Variants in GSE1 observed in about 807,000 individuals in gnomAD.
GSE1 encodes genetic suppressor element 1.
Under a neutral mutation model 112.6 loss-of-function variants are expected in GSE1, and 32 were observed. That is an observed-to-expected ratio of 0.28 (90% CI 0.21 to 0.38). GSE1 has a LOEUF of 0.38. Among genes scored for constraint, GSE1 ranks in the 10% least tolerant of loss-of-function variants. The pLI is 1.00. For missense variants in GSE1, 2,348 were observed against 1,699.2 expected (o/e 1.38, Z -6.71); for synonymous variants, 1,115 against 735.6 (o/e 1.52, Z -8.35).
At chr16:85,230,904 T>C (rs1416168705) in intron 1 of GSE1, among the ~76,000 whole-genome samples, 2 of 146,374 alleles carry the variant, frequency 1.4e-5, no homozygotes, top group East Asian at 2.1e-4. Flanking sequence ...GAAGGATGGA[T>C]AGAATGGAAT....
intron 1 of GSE1, among the ~76,000 whole-genome samples, chr16:85,201,390 G>C (rs1037699541): frequency 6.6e-6 from 1 of 150,828 alleles, no homozygotes; most frequent in African/African-American, 2.4e-5. Context: ...GGGCACGATG[G>C]CTCACTCCTG....
At chr16:85,655,646 T>C in intron 5 of GSE1, 80 bp from the exon 6 acceptor site, 1 of 884,612 alleles carries the variant, frequency 1.1e-6, no homozygotes, top group East Asian at 2.5e-5. Context: ...TGTGTGTACC[T>C]GGCTGAGACA....
chr16:85,353,322 C>T (rs1000878451), intron 1 of GSE1, among the ~76,000 whole-genome samples: 3 of 152,194 alleles, frequency 2.0e-5, no homozygotes, highest in African/African-American at 4.8e-5. Context: ...TATACAAGTT[C>T]GTGTGCGGAT....
intron 1 of GSE1, among the ~76,000 whole-genome samples, chr16:85,219,667 C>T (rs1479631701): frequency 1.3e-5 from 2 of 152,246 alleles, no homozygotes; most frequent in African/African-American, 4.8e-5. Flanking sequence ...ATCATGTCCT[C>T]TGCCTCCGTG....
At chr16:85,317,535 G>A (rs1328845963) in intron 1 of GSE1, among the ~76,000 whole-genome samples, 2 of 152,254 alleles carry the variant, frequency 1.3e-5, no homozygotes, top group South Asian at 2.1e-4. Flanking sequence ...TGGCAGGACT[G>A]AGCCCTGCTG....
chr16:85,493,257 C>T (rs969712537), intron 2 of GSE1, among the ~76,000 whole-genome samples: 1 of 152,106 alleles, frequency 6.6e-6, no homozygotes, highest in African/African-American at 2.4e-5. Flanking sequence ...CAAGACCAGC[C>T]TGAGTGACAT....
intron 2 of GSE1, among the ~76,000 whole-genome samples, chr16:85,415,006 C>G (rs909991801): frequency 1.3e-5 from 2 of 151,934 alleles, no homozygotes; most frequent in African/African-American, 4.8e-5. Context: ...GTGCAGTGGT[C>G]CAATCATAGC....
At chr16:85,487,494 T>A (rs2050878989) in intron 2 of GSE1, among the ~76,000 whole-genome samples, 1 of 152,166 alleles carries the variant, frequency 6.6e-6, no homozygotes, top group Non-Finnish European at 1.5e-5. Context: ...GCCAGGAAGA[T>A]GTGAGCCCAC....
chr16:85,490,667 C>T (rs1353598080), intron 2 of GSE1: 2 of 152,224 alleles, frequency 1.3e-5, no homozygotes, highest in Admixed American at 1.3e-4. Flanking sequence ...CGACTTTGAT[C>T]CCAGGGCGGG....
rs747152545 is a variant in GSE1 at position 85,502,082 on chromosome 16, G to A, written c.2465-131832G>A. 1.1e-4 allele frequency among the ~76,000 whole-genome samples: 17 copies of A among 152,276 alleles called. No individual in the cohort carries two copies. The South Asian group carries it at 2.3e-3, about 20-fold the overall frequency. ...GTGGGTGTCAGGGGCACTCGATGGG[G>A]GTCCGTGGGAAGGGACTGTGCTGGC... On this transcript the variant is annotated intron_variant, in intron 2 of 2. Coordinates refer to the GSE1 transcript ENST00000637419.
chr16:85,170,459 C>T, exon 1 of GSE1: 1 of 985,580 alleles, frequency 1.0e-6, no homozygotes, highest in Non-Finnish European at 1.2e-6. Context: ...CTGGGGGAGA[C>T]CCTACGGGGC....
At chr16:85,430,437 C>T (rs779332815) in intron 2 of GSE1, among the ~76,000 whole-genome samples, 3 of 152,170 alleles carry the variant, frequency 2.0e-5, no homozygotes, top group Non-Finnish European at 4.4e-5. Flanking sequence ...CCGGTAGGGC[C>T]AGAGCCAACT....
chr16:85,668,334 G>C lies in GSE1; in HGVS notation c.3325G>C (p.Asp1109His). The C allele has an allele frequency of 6.2e-7, 1 of 1,613,360 alleles. No homozygotes were observed. Among genetic ancestry groups the C allele is most frequent in the South Asian group, 1.1e-5 (1 of 91,066 alleles). The change falls in exon 14 of 16, where the codon GAT becomes CAT. Residue 1109 changes from aspartate to histidine, a missense_variant. By Grantham distance (81) the Asp-to-His change is moderately conservative. Coordinates refer to ENST00000253458, the MANE Select transcript of GSE1 (RefSeq NM_014615.5). ...RDSEEEEEEDDEDGEDEEEVP... is the reference protein window; with the variant it reads ...RDSEEEEEEDHEDGEDEEEVP... ...CTCGGAGGAGGAGGAAGAGGAGGAT[G>C]ATGAAGATGGAGAAGATGAGGAGGA...
chr16:85,459,867 C>G (rs141380348), intron 2 of GSE1, among the ~76,000 whole-genome samples: 1 of 152,232 alleles, frequency 6.6e-6, no homozygotes, highest in Non-Finnish European at 1.5e-5. Context: ...GGGTTGCTGA[C>G]GCCCAGGGAA....
chr16:85,668,754 G>A (rs942804411), intron 14 of GSE1, among the ~76,000 whole-genome samples: 1 of 152,204 alleles, frequency 6.6e-6, no homozygotes, highest in East Asian at 1.9e-4. Flanking sequence ...AGACAACCTA[G>A]TTGGTTGATT....
chr16:85,515,708 C>A (rs2151940815), intron 2 of GSE1, among the ~76,000 whole-genome samples: 1 of 152,198 alleles, frequency 6.6e-6, no homozygotes, highest in South Asian at 2.1e-4. Flanking sequence ...TGCAGCTGGG[C>A]TGTGCAGACC....
chr16:85,480,219 A>G (rs996004936), intron 2 of GSE1, among the ~76,000 whole-genome samples: 3 of 152,256 alleles, frequency 2.0e-5, no homozygotes, highest in African/African-American at 7.2e-5. Context: ...GTTTGGCTCC[A>G]GAATCTACAG....
chr16:85,305,585 A>G (rs57908323), intron 1 of GSE1, among the ~76,000 whole-genome samples: 17,856 of 152,016 alleles, frequency 0.12, 1,160 homozygotes, highest in African/African-American at 0.15. Flanking sequence ...GGTTCGAGCA[A>G]TTCTCCTGCC....
chr16:85,614,331 C>G (rs867862628), intron 1 of GSE1, among the ~76,000 whole-genome samples: 2 of 152,154 alleles, frequency 1.3e-5, no homozygotes, highest in Admixed American at 6.5e-5. Flanking sequence ...GCCGCCCGCC[C>G]GCCTCTCTAG....
Sources: gnomAD v4.1 joint callset for allele counts (sites outside exome capture counted in the v4.1 genomes callset) on GRCh38, gnomAD v4.1.1 for gene constraint, MANE v1.5 for transcripts, NCBI Gene and HGNC (gene_info 2026-07-23, HGNC 2026-07-21) for gene names.